Variants in KCNV2 observed in about 807,000 individuals in gnomAD.
KCNV2 encodes potassium voltage-gated channel modifier subfamily V member 2.
A neutral mutation model predicts 37.0 loss-of-function variants in KCNV2; 65 were observed. The ratio of observed to expected loss-of-function variants is 1.76; its 90% CI spans 1.44 to 2.16. The LOEUF is 2.16. Among genes scored for constraint, KCNV2 ranks in the 30% most tolerant of loss-of-function variants. The pLI, the probability that KCNV2 is intolerant of heterozygous loss-of-function variation, is 0.00. For missense variants in KCNV2, 1,232 were observed against 766.7 expected, an observed-to-expected ratio of 1.61 and a Z score of -7.17; for synonymous variants, 518 against 328.6, an observed-to-expected ratio of 1.58 and a Z score of -6.23.
chr9:2,728,394 A>G (rs1449938839), intron 1 of KCNV2, among the ~76,000 whole-genome samples: 3 of 152,240 alleles, frequency 2.0e-5, no homozygotes, highest in South Asian at 2.1e-4. Context: ...AATTTAGCCA[A>G]TACTCTGGGG....
chr9:2,719,162 T>C, intron 1 of KCNV2, 67 bp downstream of exon 1: 1 of 1,560,546 alleles, frequency 6.4e-7, no homozygotes, highest in Non-Finnish European at 8.7e-7. Context: ...CTCCCTCCCC[T>C]GGTTATCAGC....
At position 2,722,489 on chromosome 9, in the gene KCNV2, G is replaced by A. The variant is rs574774423; in HGVS notation, c.1356+3394G>A. 7.8e-4 allele frequency among the ~76,000 whole-genome samples: 101 copies of A among 129,368 alleles called. 5 individuals are homozygous for A. In the South Asian group the frequency reaches 0.01, roughly 13 times the overall value. The allele number at this position is 129,368 out of a possible 152,430, so 84.9% of individuals were successfully genotyped here. ...TTTATAAATAAGTTATTTATAAATA[G>A]AAGTTATTTATAAATAAGTTATTTA... On this transcript the variant is annotated intron_variant, in intron 1 of 1. Coordinates refer to ENST00000382082, the MANE Select transcript of KCNV2 (RefSeq NM_133497.4).
In KCNV2 at chr9:2,718,284, T is replaced by A; in HGVS notation, c.545T>A (p.Leu182Gln). The change falls in exon 1 of 2, where the codon CTG becomes CAG. Residue 182 changes from leucine to glutamine, a missense_variant. Transcript: ENST00000382082. ...VLDGLCPRRF[L>Q]EELGYWGVRL... ...GACGGGCTGTGTCCGCGCCGCTTCC[T>A]GGAGGAGCTGGGCTACTGGGGCGTG... 6.2e-7 allele frequency: 1 copy of A among 1,611,462 alleles called. No homozygotes were observed. The highest frequency in any genetic ancestry group is 8.5e-7 in the Non-Finnish European group (1 of 1,179,766).
At position 2,720,317 on chromosome 9, in the gene KCNV2, C is replaced by T. The variant is rs542419975; in HGVS notation, c.1356+1222C>T. Among the ~76,000 whole-genome samples, 7 of 152,296 alleles carry T rather than the reference C, an allele frequency of 4.6e-5. 1 individual carries two copies. In the East Asian group the frequency reaches 1.2e-3, roughly 25 times the overall value. ...GAATAATTAACTGTGAAACCTTAAT[C>T]CCTCACTTCCAGTCCTGCTTTCTCA... On this transcript the variant is annotated intron_variant, in intron 1 of 1. Coordinates refer to ENST00000382082, the MANE Select transcript of KCNV2 (RefSeq NM_133497.4).
At chr9:2,729,053 T>G (rs1249144048) in intron 1 of KCNV2, among the ~76,000 whole-genome samples, 1 of 152,172 alleles carries the variant, frequency 6.6e-6, no homozygotes, top group Non-Finnish European at 1.5e-5. Flanking sequence ...GGACCTGCTT[T>G]CCTGAATCTG....
chr9:2,728,726 T>A (rs2130868661), intron 1 of KCNV2, among the ~76,000 whole-genome samples: 1 of 152,066 alleles, frequency 6.6e-6, no homozygotes, highest in South Asian at 2.1e-4. Flanking sequence ...CTTTGAAAAG[T>A]GTTATAACTG....
At position 2,729,618 on chromosome 9, in the gene KCNV2, C is replaced by T; in HGVS notation, c.1529C>T (p.Thr510Ile). 1 of 1,614,026 alleles carries T rather than the reference C, an allele frequency of 6.2e-7. No homozygotes were observed. Among genetic ancestry groups the T allele is most frequent in the Non-Finnish European group, 8.5e-7 (1 of 1,179,952 alleles). ...YSKLKAYEYT[T>I]IRRERGEVNF... ...AAGCTGAAGGCTTATGAGTATACCA[C>T]CATACGCAGGGAGAGGGGAGAGGTG... The change falls in exon 2 of 2, where the codon ACC becomes ATC. Residue 510 changes from threonine (T) to isoleucine (I), a missense_variant. Coordinates refer to ENST00000382082, the MANE Select transcript of KCNV2 (RefSeq NM_133497.4).
Position 2,717,885 on chromosome 9 carries a change from G to C in KCNV2, c.146G>C (p.Gly49Ala). The C allele has an allele frequency of 1.2e-6, 2 of 1,614,210 alleles. No individual in the cohort carries two copies. The highest frequency in any genetic ancestry group is 1.3e-5 in the African/African-American group (1 of 75,060). Residue 49 changes from glycine to alanine, a missense_variant, in exon 1 of 2, where the codon GGC (glycine) becomes GCC (alanine). By Grantham distance (60) the Gly-to-Ala change is moderately conservative (BLOSUM62 0). Transcript: ENST00000382082. ...GCCAGCATCCACGGCTGGACAGAGG[G>C]CAACTATAACTACTACATCGAGGAA... ...SQASIHGWTE[G>A]NYNYYIEEDE...
chr9:2,726,489 C>CA (rs111252100), intron 1 of KCNV2, among the ~76,000 whole-genome samples: 3,391 of 144,786 alleles, frequency 0.023, 55 homozygotes, highest in Non-Finnish European at 0.036. Flanking sequence ...AAAGTTCAGC[C>CA]AAAAAAAAAA....
rs996620453 is a variant in KCNV2 at position 2,717,753 on chromosome 9, G to A, written c.14G>A (p.Ser5Asn). ...CTTTCCGCAGCCATGCTCAAACAGA[G>A]TGAGAGGAGACGGTCCTGGAGCTAC... MLKQ[S>N]ERRRSWSYRP... The change falls in exon 1 of 2, where the codon AGT becomes AAT. Residue 5 changes from serine to asparagine, a missense_variant. Ser to Asn is a conservative substitution (Grantham distance 46). Coordinates refer to ENST00000382082, the MANE Select transcript of KCNV2 (RefSeq NM_133497.4). The A allele has an allele frequency of 2.5e-6, 4 of 1,614,104 alleles. No homozygotes were observed. The highest frequency in any genetic ancestry group is 2.7e-5 in the African/African-American group (2 of 74,940).
chr9:2,729,385 CCTTT>C lies in KCNV2; in HGVS notation c.1357-57_1357-54del, dbSNP rs1448446573. The C allele has an allele frequency of 1.3e-5, 21 of 1,591,666 alleles. No individual in the cohort carries two copies. The African/African-American group carries it at 2.7e-4, about 20-fold the overall frequency. Reference sequence around the variant, plus strand: ...GGACGCTTCCCTGCTTGCTCCTCTCCCTTTCTTCTCCTCCCCGATCTTAGTGCTA... The same window carrying C: ...GGACGCTTCCCTGCTTGCTCCTCTCCCTTCTCCTCCCCGATCTTAGTGCTA... On this transcript the variant is annotated intron_variant, in intron 1 of 1. Transcript: ENST00000382082.
At chr9:2,728,773 G>A (rs1320067102) in intron 1 of KCNV2, among the ~76,000 whole-genome samples, 1 of 151,720 alleles carries the variant, frequency 6.6e-6, no homozygotes, top group South Asian at 2.1e-4. Flanking sequence ...CAATGGAGGA[G>A]TTTCATGCCT....
At chr9:2,721,425 A>ACAGACTAAAGGTT (rs1469041998) in intron 1 of KCNV2, among the ~76,000 whole-genome samples, 1 of 152,186 alleles carries the variant, frequency 6.6e-6, no homozygotes, top group Non-Finnish European at 1.5e-5. Flanking sequence ...ACTCCATAAT[A>ACAGACTAAAGGTT]CAGACTAAAG....
intron 1 of KCNV2, among the ~76,000 whole-genome samples, chr9:2,729,237 C>G (rs1384659380): frequency 6.6e-6 from 1 of 152,204 alleles, no homozygotes; most frequent in East Asian, 1.9e-4. Flanking sequence ...CAGCCAAAGT[C>G]TTTCAGCTCC....
At position 2,728,399 on chromosome 9, in the gene KCNV2, C is replaced by T. The variant is rs1191985587; in HGVS notation, c.1357-1047C>T. The stretch of plus-strand genomic sequence containing the variant: ...GGCTTCTAGTAATTTAGCCAATACT[C>T]TGGGGATCAGAGGGAGTACATGAGG... On this transcript the variant is annotated intron_variant, in intron 1 of 1. Transcript: ENST00000382082. Among the ~76,000 whole-genome samples, 3 of 152,202 alleles carry T rather than the reference C, an allele frequency of 2.0e-5. No individual in the cohort carries two copies. In the South Asian group the frequency reaches 6.2e-4, roughly 31 times the overall value.
At position 2,717,679 on chromosome 9, in the gene KCNV2, G is replaced by A; in HGVS notation, c.-61G>A. ...TGATCCATCCTCCTAGAGGCAGTGA[G>A]CAGGTGAGGGACCCCTACCACAGCC... On this transcript the variant is annotated 5_prime_UTR_variant, in exon 1 of 2. Transcript: ENST00000382082. 6.2e-7 allele frequency: 1 copy of A among 1,606,748 alleles called. No individual in the cohort carries two copies. Among genetic ancestry groups the A allele is most frequent in the Non-Finnish European group, 8.5e-7 (1 of 1,174,176 alleles).
rs549455893 is a variant in KCNV2 at position 2,721,180 on chromosome 9, A to G, written c.1356+2085A>G. Among the ~76,000 whole-genome samples, 4 of 152,310 alleles carry G rather than the reference A, an allele frequency of 2.6e-5. No homozygotes were observed. In the East Asian group the frequency reaches 7.7e-4, roughly 29 times the overall value. On this transcript the variant is annotated intron_variant, in intron 1 of 1. Coordinates refer to ENST00000382082, the MANE Select transcript of KCNV2 (RefSeq NM_133497.4). ...TCATAGGCCCAATTTTGCACATTCC[A>G]ACCATCCCATTTACAAACCTTACCC...
Position 2,718,655 on chromosome 9 carries a change from G to C in KCNV2, c.916G>C (p.Glu306Gln), listed in dbSNP as rs104894114. The change falls in exon 1 of 2, where the codon GAG becomes CAG. Residue 306 changes from glutamate (E) to glutamine (Q), a missense_variant. Glu to Gln is a conservative substitution (Grantham distance 29). Coordinates refer to ENST00000382082, the MANE Select transcript of KCNV2 (RefSeq NM_133497.4). ...CCTGCGGCCCATCCTGGAGCACGTG[G>C]AGATGCTGTGCATGGGCTTCTTCAC... ...PDLRPILEHV[E>Q]MLCMGFFTLE... The C allele has an allele frequency of 6.2e-7, 1 of 1,613,320 alleles. No homozygotes were observed. The highest frequency in any genetic ancestry group is 2.2e-5 in the East Asian group (1 of 44,852).
At chr9:2,725,365 C>G (rs964685580) in intron 1 of KCNV2, among the ~76,000 whole-genome samples, 2 of 152,180 alleles carry the variant, frequency 1.3e-5, no homozygotes, top group Non-Finnish European at 2.9e-5. Flanking sequence ...TGAGGAATTA[C>G]CTTCAGAGTT....
Sources: gnomAD v4.1 joint callset for allele counts (sites outside exome capture counted in the v4.1 genomes callset) on GRCh38, gnomAD v4.1.1 for gene constraint, MANE v1.5 for transcripts, NCBI Gene and HGNC (gene_info 2026-07-23, HGNC 2026-07-21) for gene names.